Variants in GRIP1 observed in about 807,000 individuals in gnomAD.
The protein encoded by GRIP1 is glutamate receptor-interacting protein 1.
Under a neutral mutation model 129.9 loss-of-function variants are expected in GRIP1, and 45 were observed. That is an observed-to-expected ratio of 0.35 (90% CI 0.27 to 0.44). The LOEUF is 0.44. Among genes scored for constraint, GRIP1 ranks in the 20% least tolerant of loss-of-function variants. GRIP1 has a pLI of 1.00. For synonymous variants in GRIP1, 530 were observed against 520.8 expected, an observed-to-expected ratio of 1.02 and a Z score of -0.24; for missense variants, 1,196 against 1,396.8, an observed-to-expected ratio of 0.86 and a Z score of 2.29.
At chr12:66,473,245 G>A (rs1320069827) in intron 7 of GRIP1, among the ~76,000 whole-genome samples, 1 of 152,194 alleles carries the variant, frequency 6.6e-6, no homozygotes, top group East Asian at 1.9e-4. Context: ...CTGCAGCTCG[G>A]CAAAGCTGCT....
chr12:66,486,521 T>G (rs1346401947), intron 7 of GRIP1, among the ~76,000 whole-genome samples: 4 of 152,130 alleles, frequency 2.6e-5, no homozygotes. Context: ...ACTATTCTCA[T>G]GGTAATGAAT....
At chr12:66,560,416 T>C (rs2062482514) in intron 2 of GRIP1, among the ~76,000 whole-genome samples, 1 of 152,068 alleles carries the variant, frequency 6.6e-6, no homozygotes, top group Non-Finnish European at 1.5e-5. Context: ...TTGTAAACTA[T>C]ACATCTGACA....
intron 1 of GRIP1, among the ~76,000 whole-genome samples, chr12:66,766,396 T>C (rs2037638889): frequency 6.6e-6 from 1 of 152,204 alleles, no homozygotes; most frequent in Non-Finnish European, 1.5e-5. Context: ...CAGGGACAGC[T>C]GGCACTCCCT....
intron 1 of GRIP1, among the ~76,000 whole-genome samples, chr12:66,629,357 A>G (rs2030479832): frequency 6.6e-6 from 1 of 152,334 alleles, no homozygotes; most frequent in East Asian, 1.9e-4. Flanking sequence ...TGTGATGACC[A>G]GCATTTCACA....
At chr12:66,819,866 C>T (rs879552813) in intron 1 of GRIP1, among the ~76,000 whole-genome samples, 3 of 152,184 alleles carry the variant, frequency 2.0e-5, no homozygotes, top group Non-Finnish European at 4.4e-5. Flanking sequence ...AATCACTACT[C>T]TTACTGGAAT....
At chr12:66,391,822 G>C (rs2056599795) in intron 19 of GRIP1, among the ~76,000 whole-genome samples, 1 of 152,130 alleles carries the variant, frequency 6.6e-6, no homozygotes, top group African/African-American at 2.4e-5. Context: ...GGGTATTCTA[G>C]CTGGGGTGAC....
At chr12:66,728,914 CTTCCT>C (rs2036341686) in intron 1 of GRIP1, among the ~76,000 whole-genome samples, 1 of 152,156 alleles carries the variant, frequency 6.6e-6, no homozygotes, top group African/African-American at 2.4e-5. Context: ...CCCTTCCTCC[CTTCCT>C]TTCTTTATTG....
intron 5 of GRIP1, among the ~76,000 whole-genome samples, chr12:66,522,350 C>T (rs990059333): frequency 7.2e-5 from 11 of 152,146 alleles, no homozygotes; most frequent in South Asian, 2.1e-4. Context: ...CACCAATATC[C>T]GCTGTTCTAC....
chr12:66,564,824 TG>T (rs1261833401), intron 2 of GRIP1, among the ~76,000 whole-genome samples: 2 of 152,234 alleles, frequency 1.3e-5, no homozygotes, highest in Non-Finnish European at 2.9e-5. Flanking sequence ...CCATTCTAAC[TG>T]GTGTGAGATG....
intron 1 of GRIP1, among the ~76,000 whole-genome samples, chr12:67,017,695 G>A (rs2042808613): frequency 6.6e-6 from 1 of 152,126 alleles, no homozygotes; most frequent in African/African-American, 2.4e-5. Flanking sequence ...TAGCCCTTAA[G>A]AGGCTAGGAA....
intron 7 of GRIP1, among the ~76,000 whole-genome samples, chr12:66,503,510 G>A (rs562673176): frequency 5.1e-4 from 77 of 152,200 alleles, no homozygotes; most frequent in African/African-American, 7.7e-4. Context: ...TTTCTTTCCC[G>A]TTCTAAAGCT....
intron 1 of GRIP1, among the ~76,000 whole-genome samples, chr12:66,800,310 G>C (rs757881354): frequency 6.6e-6 from 1 of 152,048 alleles, no homozygotes; most frequent in Non-Finnish European, 1.5e-5. Flanking sequence ...GGAGAGTCAG[G>C]AAGACCAAGA....
chr12:66,429,803 T>A (rs192791391), intron 14 of GRIP1, among the ~76,000 whole-genome samples: 2 of 152,304 alleles, frequency 1.3e-5, no homozygotes, highest in East Asian at 3.9e-4. Context: ...TCACAATGTG[T>A]TTAAGGCATT....
chr12:66,445,150 C>T (rs1002662582), intron 12 of GRIP1, among the ~76,000 whole-genome samples, 172 bp downstream of exon 12: 1 of 152,206 alleles, frequency 6.6e-6, no homozygotes, highest in African/African-American at 2.4e-5. Flanking sequence ...CATCCATGCT[C>T]ATTACTCTTT....
At chr12:66,907,471 G>A (rs185268177) in intron 1 of GRIP1, among the ~76,000 whole-genome samples, 134 of 152,268 alleles carry the variant, frequency 8.8e-4, no homozygotes, top group Admixed American at 4.2e-3. Flanking sequence ...GAAGGACTGG[G>A]TTACATTCAG....
At chr12:66,353,071 T>A (rs1011515385) in intron 24 of GRIP1, among the ~76,000 whole-genome samples, 1 of 152,146 alleles carries the variant, frequency 6.6e-6, no homozygotes, top group Non-Finnish European at 1.5e-5. Flanking sequence ...TAGGAAGGAC[T>A]AGACTGGTGG....
rs370557470 is a variant in GRIP1, at chr12:66,357,230, A to G, written c.3013-3667T>C. ...TTAAGTCAGAATCCCAACAAAGTCC[A>G]CACACTACCTCTGTGTTAAGTCTGT... On this transcript the variant is annotated intron_variant, in intron 23 of 24. Transcript: ENST00000359742. Among the ~76,000 whole-genome samples, 27 of 152,284 alleles carry G rather than the reference A, an allele frequency of 1.8e-4. No homozygotes were observed. The South Asian group carries it at 2.3e-3, about 13-fold the overall frequency.
At chr12:66,949,658 C>T (rs1364438172) in intron 1 of GRIP1, among the ~76,000 whole-genome samples, 1 of 151,708 alleles carries the variant, frequency 6.6e-6, no homozygotes, top group Non-Finnish European at 1.5e-5. Context: ...TAAAGGTAAT[C>T]ACCCTTTTCT....
intron 2 of GRIP1, among the ~76,000 whole-genome samples, chr12:66,592,281 T>A (rs2063875799): frequency 6.6e-6 from 1 of 152,202 alleles, no homozygotes; most frequent in Non-Finnish European, 1.5e-5. Flanking sequence ...CTTGACTGTA[T>A]ACATCTTGGG....
Sources: allele counts gnomAD v4.1 joint callset (sites outside exome capture counted in the v4.1 genomes callset), GRCh38; gene constraint gnomAD v4.1.1; transcripts MANE v1.5; gene names NCBI Gene and HGNC (gene_info 2026-07-23, HGNC 2026-07-21).